Variants in FOXP1 observed in about 807,000 individuals in gnomAD.
The protein encoded by FOXP1 is forkhead box P1.
FOXP1 carries 15 observed loss-of-function variants against 98.2 expected under a neutral mutation model. The observed-to-expected ratio is 0.15, with a 90% CI of 0.10 to 0.24. FOXP1 has a LOEUF of 0.24. Ranked by LOEUF, FOXP1 falls within the 10% of genes least tolerant of loss-of-function variation. FOXP1 has a pLI of 1.00. For missense variants in FOXP1, 633 were observed against 848.5 expected (o/e 0.75, Z 3.15); for synonymous variants, 371 against 314.5 (o/e 1.18, Z -1.90).
intron 2 of FOXP1, among the ~76,000 whole-genome samples, chr3:71,527,829 G>T (rs1391536541): frequency 6.6e-6 from 1 of 152,224 alleles, no homozygotes; most frequent in Admixed American, 6.5e-5. Context: ...ATCAAAAATT[G>T]CCCTTTTAAA....
At chr3:71,032,347 C>A (rs2046987253) in intron 11 of FOXP1, among the ~76,000 whole-genome samples, 1 of 152,230 alleles carries the variant, frequency 6.6e-6, no homozygotes, top group Non-Finnish European at 1.5e-5. Flanking sequence ...AGGAAAATTA[C>A]AGTTAAGAGA....
chr3:71,453,472 G>A (rs988304947), intron 3 of FOXP1, among the ~76,000 whole-genome samples: 2 of 152,056 alleles, frequency 1.3e-5, no homozygotes, highest in Non-Finnish European at 2.9e-5. Context: ...GTGTGATCCC[G>A]GCAGCCCTAC....
chr3:71,439,950 G>GGA (rs2085759414), intron 3 of FOXP1, among the ~76,000 whole-genome samples: 2 of 132,992 alleles, frequency 1.5e-5, no homozygotes, highest in African/African-American at 5.7e-5. Context: ...TCTGTCTCAG[G>GGA]AAAAAAAAAA....
intron 6 of FOXP1, among the ~76,000 whole-genome samples, chr3:71,173,230 G>T (rs2061738153): frequency 6.6e-6 from 1 of 151,846 alleles, no homozygotes; most frequent in African/African-American, 2.4e-5. Flanking sequence ...ATCATAGTTG[G>T]ATAGGAATAA....
chr3:71,480,399 T>C (rs1387610007), intron 3 of FOXP1, among the ~76,000 whole-genome samples: 1 of 152,222 alleles, frequency 6.6e-6, no homozygotes, highest in Non-Finnish European at 1.5e-5. Flanking sequence ...TATTCCAGCA[T>C]ACTAAAGTTT....
chr3:71,089,187 G>T (rs1026135957), intron 7 of FOXP1, among the ~76,000 whole-genome samples: 8 of 152,158 alleles, frequency 5.3e-5, no homozygotes, highest in Non-Finnish European at 1.5e-5. Flanking sequence ...CGGTCTCTGT[G>T]ACCAATAAAT....
chr3:71,310,476 T>C (rs1340116439), intron 4 of FOXP1, among the ~76,000 whole-genome samples: 1 of 152,234 alleles, frequency 6.6e-6, no homozygotes, highest in Non-Finnish European at 1.5e-5. Context: ...CTCTTTGCTT[T>C]TCTGCAGGGG....
intron 4 of FOXP1, among the ~76,000 whole-genome samples, chr3:71,329,177 G>A (rs936277073): frequency 2.0e-5 from 3 of 151,784 alleles, no homozygotes; most frequent in Admixed American, 6.6e-5. Context: ...GAATGATCCC[G>A]TCACCCACTG....
chr3:71,123,291 A>G (rs1223496368), intron 6 of FOXP1, among the ~76,000 whole-genome samples: 1 of 152,190 alleles, frequency 6.6e-6, no homozygotes, highest in African/African-American at 2.4e-5. Context: ...TTGTGATGGC[A>G]AACTCCAAGC....
chr3:71,424,227 G>A (rs975181453), intron 3 of FOXP1, among the ~76,000 whole-genome samples: 2 of 152,164 alleles, frequency 1.3e-5, no homozygotes, highest in Admixed American at 6.5e-5. Flanking sequence ...TGATTTTGGC[G>A]ACCAGGCAAA....
chr3:71,137,419 T>TGCTGCG (rs1274100388), intron 6 of FOXP1, among the ~76,000 whole-genome samples: 10 of 152,202 alleles, frequency 6.6e-5, no homozygotes, highest in Admixed American at 1.3e-4. Context: ...CTCACTTCTC[T>TGCTGCG]GCTGCGGGAA....
At chr3:71,278,125 C>T (rs186129926) in intron 5 of FOXP1, among the ~76,000 whole-genome samples, 1 of 152,116 alleles carries the variant, frequency 6.6e-6, no homozygotes, top group Non-Finnish European at 1.5e-5. Context: ...GAAACAGTAG[C>T]CCCTACGTAA....
At chr3:71,301,392 G>T (rs2073832702) in intron 4 of FOXP1, among the ~76,000 whole-genome samples, 1 of 152,094 alleles carries the variant, frequency 6.6e-6, no homozygotes, top group Admixed American at 6.5e-5. Flanking sequence ...GATCTGCAGA[G>T]CCCCACTCTA....
chr3:71,398,536 A>C (rs1391075343), intron 3 of FOXP1, among the ~76,000 whole-genome samples: 1 of 152,208 alleles, frequency 6.6e-6, no homozygotes, highest in East Asian at 1.9e-4. Context: ...ACACAACAAT[A>C]AAACATGTGG....
chr3:71,193,593 C>T (rs1042524278), intron 6 of FOXP1, among the ~76,000 whole-genome samples: 5 of 152,026 alleles, frequency 3.3e-5, no homozygotes, highest in Non-Finnish European at 5.9e-5. Flanking sequence ...GGACTACAAT[C>T]GTGCACCACC....
intron 19 of FOXP1, chr3:70,966,455 G>A: frequency 3.8e-6 from 1 of 262,220 alleles, no homozygotes. Flanking sequence ...CTCCAGTATT[G>A]GATATTAGAG....
At chr3:71,282,519 T>C (rs1218817265) in intron 5 of FOXP1, among the ~76,000 whole-genome samples, 1 of 152,160 alleles carries the variant, frequency 6.6e-6, no homozygotes, top group Non-Finnish European at 1.5e-5. Context: ...TTGCTGTGTA[T>C]AAAACATTGC....
At chr3:71,045,326 CAT>C (rs993071663) in intron 10 of FOXP1, among the ~76,000 whole-genome samples, 2 of 152,202 alleles carry the variant, frequency 1.3e-5, no homozygotes, top group African/African-American at 4.8e-5. Context: ...TCACATTACA[CAT>C]GAGCTTGTCT....
chr3:71,016,263 C>T (rs1337363460), intron 11 of FOXP1, among the ~76,000 whole-genome samples: 1 of 152,014 alleles, frequency 6.6e-6, no homozygotes, highest in East Asian at 1.9e-4. Flanking sequence ...CTAACACCAA[C>T]AGTGAGAGAA....
Sources: allele counts gnomAD v4.1 joint callset (sites outside exome capture counted in the v4.1 genomes callset), GRCh38; gene constraint gnomAD v4.1.1; transcripts MANE v1.5; gene names NCBI Gene and HGNC (gene_info 2026-07-23, HGNC 2026-07-21).